VTI1A: variants seen among roughly 807,000 people sequenced by gnomAD.
VTI1A encodes vesicle transport through interaction with t-SNAREs 1A.
A neutral mutation model predicts 34.9 loss-of-function variants in VTI1A; 22 were observed. The observed-to-expected ratio is 0.63, with a 90% CI of 0.45 to 0.90. The LOEUF (loss-of-function observed/expected upper bound fraction) is 0.90. Ranked by LOEUF, VTI1A falls within the 40% of genes least tolerant of loss-of-function variation. VTI1A has a pLI of 0.00. For synonymous variants in VTI1A, 87 were observed against 97.3 expected, an observed-to-expected ratio of 0.89 and a Z score of 0.62; for missense variants, 268 against 275.6, an observed-to-expected ratio of 0.97 and a Z score of 0.20.
Position 112,811,712 on chromosome 10 carries a change from A to AAAAAAAAAAT in VTI1A, c.561-3578_561-3577insAAAAAAAAAT, listed in dbSNP as rs67154330. Among the ~76,000 whole-genome samples the AAAAAAAAAAT allele has an allele frequency of 5.5e-4, 46 of 84,036 alleles. 10 individuals are homozygous for AAAAAAAAAAT. The highest frequency in any genetic ancestry group is 6.8e-4 in the Non-Finnish European group (30 of 44,322). 55.1% of individuals were successfully genotyped at this position (84,036 alleles called of 152,430 possible). On this transcript the variant is annotated intron_variant, in intron 7 of 7. Transcript: ENST00000393077. ...AAAAAAAAAAAAAAAAAAAAAAAAA[A>AAAAAAAAAAT]GAGTGCAGTCCATGCCTGGAAGTAG...
chr10:112,681,542 C>T (rs7911297), intron 7 of VTI1A, among the ~76,000 whole-genome samples: 55,344 of 152,006 alleles, frequency 0.36, 10,516 homozygotes, highest in East Asian at 0.58. Context: ...TGAAAAATTA[C>T]ACAAATTCAA....
Position 112,736,107 on chromosome 10 carries a change from G to GTA in VTI1A, c.560+67110_560+67111insAT, listed in dbSNP as rs1468293852. 2.8e-3 allele frequency among the ~76,000 whole-genome samples: 283 copies of GTA among 100,834 alleles called. 4 individuals are homozygous for GTA. Among genetic ancestry groups the GTA allele is most frequent in the African/African-American group, 0.012 (243 of 20,214 alleles). The allele number at this position is 100,834 out of a possible 152,430, so 66.2% of individuals were successfully genotyped here. A position where few individuals can be genotyped will look rare whatever the true frequency, so the allele number is the denominator to read the frequency against. On this transcript the variant is annotated intron_variant, in intron 7 of 7. Coordinates refer to ENST00000393077, the MANE Select transcript of VTI1A (RefSeq NM_145206.4). ...TAGTATATTTTACATATATATGTGT[G>GTA]TGTGTATATATATATATATATATAT...
intron 5 of VTI1A, among the ~76,000 whole-genome samples, chr10:112,599,351 C>G (rs1396870127): frequency 6.6e-6 from 1 of 152,178 alleles, no homozygotes; most frequent in African/African-American, 2.4e-5. Context: ...GCCAATTGGA[C>G]AGACCTGCTT....
At chr10:112,706,585 C>T (rs1849206895) in intron 7 of VTI1A, among the ~76,000 whole-genome samples, 1 of 152,166 alleles carries the variant, frequency 6.6e-6, no homozygotes, top group South Asian at 2.1e-4. Context: ...AAGCTATTAC[C>T]TGCACGCATA....
intron 3 of VTI1A, among the ~76,000 whole-genome samples, chr10:112,472,027 T>C (rs1041837913): frequency 5.9e-5 from 9 of 152,210 alleles, no homozygotes; most frequent in African/African-American, 2.2e-4. Flanking sequence ...TGAATGCTTT[T>C]TCACGTCTCT....
At chr10:112,704,767 GA>G (rs559013288) in intron 7 of VTI1A, among the ~76,000 whole-genome samples, 291 of 152,284 alleles carry the variant, frequency 1.9e-3, no homozygotes, top group African/African-American at 6.8e-3. Context: ...ATAGTAGTGT[GA>G]TTTAACTAAC....
chr10:112,819,956 C>T (rs1190698050), downstream of VTI1A, among the ~76,000 whole-genome samples: 2 of 152,210 alleles, frequency 1.3e-5, no homozygotes, highest in East Asian at 1.9e-4. Context: ...GTAGCTCCAC[C>T]ATGGGTGTGA....
chr10:112,733,707 T>C (rs948558838), intron 7 of VTI1A, among the ~76,000 whole-genome samples: 31 of 151,920 alleles, frequency 2.0e-4, no homozygotes, highest in Admixed American at 9.2e-4. Context: ...GCAATACTGC[T>C]AGTCAGTTCT....
chr10:112,588,439 C>T (rs1289254847), intron 5 of VTI1A, among the ~76,000 whole-genome samples: 3 of 152,096 alleles, frequency 2.0e-5, no homozygotes, highest in Non-Finnish European at 4.4e-5. Context: ...GGAAGTACTA[C>T]TTGTTGAATA....
intron 5 of VTI1A, among the ~76,000 whole-genome samples, chr10:112,634,667 T>C (rs960407324): frequency 2.0e-5 from 3 of 152,198 alleles, no homozygotes; most frequent in Non-Finnish European, 2.9e-5. Flanking sequence ...CTGTTTGTCT[T>C]AATCACTCAG....
At chr10:112,795,238 T>C (rs1852629669) in intron 7 of VTI1A, among the ~76,000 whole-genome samples, 1 of 152,202 alleles carries the variant, frequency 6.6e-6, no homozygotes, top group Admixed American at 6.5e-5. Flanking sequence ...TGTGTGATCT[T>C]GGCTAACTTA....
chr10:112,708,507 A>T (rs956728671), intron 7 of VTI1A, among the ~76,000 whole-genome samples: 2 of 152,224 alleles, frequency 1.3e-5, no homozygotes, highest in African/African-American at 4.8e-5. Flanking sequence ...AAAAAGGAAA[A>T]CACTCATCTC....
chr10:112,526,708 GAA>G (rs972732165), intron 3 of VTI1A, among the ~76,000 whole-genome samples: 1 of 143,320 alleles, frequency 7.0e-6, no homozygotes, highest in Non-Finnish European at 1.5e-5. Flanking sequence ...CCACAATATT[GAA>G]AAAAAAAAAC....
chr10:112,597,149 G>T (rs1187273946), intron 5 of VTI1A, among the ~76,000 whole-genome samples: 3 of 152,166 alleles, frequency 2.0e-5, no homozygotes, highest in South Asian at 4.1e-4. Context: ...TGGGGAGAGA[G>T]TCCTGACATT....
At chr10:112,544,887 C>G (rs1189512735) in intron 5 of VTI1A, among the ~76,000 whole-genome samples, 1 of 152,040 alleles carries the variant, frequency 6.6e-6, no homozygotes. Context: ...TTAGGGCAGT[C>G]AAGTGGGGCA....
the VTI1A span, among the ~76,000 whole-genome samples, chr10:112,839,640 G>A: frequency 6.6e-5 from 10 of 152,284 alleles, no homozygotes; most frequent in East Asian, 1.5e-3. Context: ...CCCAAAGGGC[G>A]ATTCTGAGTT....
At chr10:112,609,199 A>G (rs1161451485) in intron 5 of VTI1A, among the ~76,000 whole-genome samples, 1 of 152,114 alleles carries the variant, frequency 6.6e-6, no homozygotes, top group Non-Finnish European at 1.5e-5. Flanking sequence ...ATGCTTTGGG[A>G]AAGGATTAAG....
At chr10:112,568,272 C>T (rs1381274263) in intron 5 of VTI1A, among the ~76,000 whole-genome samples, 3 of 151,938 alleles carry the variant, frequency 2.0e-5, no homozygotes, top group African/African-American at 4.8e-5. Flanking sequence ...TTTGAGAGGC[C>T]GAGGTGGGCA....
At chr10:112,811,683 C>CAAAAAAAAAAAA (rs869030543) in intron 7 of VTI1A, among the ~76,000 whole-genome samples, 1 of 11,844 alleles carries the variant, frequency 8.4e-5, no homozygotes, top group Non-Finnish European at 1.5e-4. Context: ...GACTCCGTCT[C>CAAAAAAAAAAAA]AAAAAAAAAA....
Sources: gnomAD v4.1 joint callset for allele counts (sites outside exome capture counted in the v4.1 genomes callset) on GRCh38, gnomAD v4.1.1 for gene constraint, MANE v1.5 for transcripts, NCBI Gene and HGNC (gene_info 2026-07-23, HGNC 2026-07-21) for gene names.